Variants in JAZF1 observed in about 807,000 individuals in gnomAD.
The protein encoded by JAZF1 is juxtaposed with another zinc finger protein 1.
In JAZF1, 8 loss-of-function variants were observed where a neutral mutation model predicts 26.4. The observed-to-expected ratio is 0.30, with a 90% CI of 0.18 to 0.55. The LOEUF is 0.55. Among genes scored for constraint, JAZF1 ranks in the 20% least tolerant of loss-of-function variants. The pLI is 0.94. For synonymous variants in JAZF1, 126 were observed against 122.3 expected (o/e 1.03, Z -0.20); for missense variants, 199 against 322.0 (o/e 0.62, Z 2.92).
chr7:28,057,735 T>G (rs1375466820), intron 1 of JAZF1, among the ~76,000 whole-genome samples: 1 of 152,184 alleles, frequency 6.6e-6, no homozygotes, highest in Non-Finnish European at 1.5e-5. Flanking sequence ...ATTTAAAATG[T>G]ATTGGCCCCA....
At chr7:27,839,082 G>A (rs150603422) in intron 4 of JAZF1, among the ~76,000 whole-genome samples, 3 of 152,206 alleles carry the variant, frequency 2.0e-5, no homozygotes, top group Non-Finnish European at 2.9e-5. Context: ...GAAAGGATGC[G>A]AGTAAGAAAA....
chr7:28,073,425 T>C (rs1051553076), intron 1 of JAZF1, among the ~76,000 whole-genome samples: 2 of 152,200 alleles, frequency 1.3e-5, no homozygotes, highest in African/African-American at 4.8e-5. Flanking sequence ...ACCCAAGGAC[T>C]GAAAATCAAA....
intron 2 of JAZF1, among the ~76,000 whole-genome samples, chr7:27,912,584 A>G (rs946567190): frequency 1.3e-5 from 2 of 152,158 alleles, no homozygotes; most frequent in Admixed American, 6.5e-5. Context: ...AAGAGGGAAT[A>G]GTGAGAAAGG....
intron 3 of JAZF1, among the ~76,000 whole-genome samples, chr7:27,883,936 T>C (rs1783814476): frequency 6.6e-6 from 1 of 152,254 alleles, no homozygotes; most frequent in Non-Finnish European, 1.5e-5. Context: ...CTTTCTTCAA[T>C]GAACAGGAAA....
chr7:27,970,159 T>A (rs137962119), intron 2 of JAZF1, among the ~76,000 whole-genome samples: 158 of 152,350 alleles, frequency 1.0e-3, no homozygotes, highest in African/African-American at 3.6e-3. Context: ...ATTTTGGTTT[T>A]CATTACTGCT....
At chr7:27,997,663 G>T (rs1382090132) in intron 1 of JAZF1, among the ~76,000 whole-genome samples, 1 of 152,134 alleles carries the variant, frequency 6.6e-6, no homozygotes, top group Non-Finnish European at 1.5e-5. Flanking sequence ...CAAACTCTGG[G>T]CTCAAGATAT....
At chr7:28,015,434 T>C (rs966203296) in intron 1 of JAZF1, among the ~76,000 whole-genome samples, 2 of 152,182 alleles carry the variant, frequency 1.3e-5, no homozygotes, top group Non-Finnish European at 2.9e-5. Flanking sequence ...ACATTAATAA[T>C]AGGGAAAACT....
intron 2 of JAZF1, among the ~76,000 whole-genome samples, chr7:27,906,103 ATTG>A: frequency 2.6e-5 from 4 of 152,230 alleles, no homozygotes; most frequent in African/African-American, 9.6e-5. Context: ...TTTAGGTGGA[ATTG>A]CTTGAAATAT....
intron 2 of JAZF1, among the ~76,000 whole-genome samples, chr7:27,962,241 A>C (rs1447722987): frequency 1.3e-5 from 2 of 152,218 alleles, no homozygotes; most frequent in African/African-American, 4.8e-5. Context: ...AGAAGTATGA[A>C]ATCATTTTCC....
chr7:28,164,603 A>G (rs756892260), intron 1 of JAZF1, among the ~76,000 whole-genome samples: 3 of 152,266 alleles, frequency 2.0e-5, no homozygotes, highest in Non-Finnish European at 4.4e-5. Context: ...CATGGAATTC[A>G]TAAAATACTA....
chr7:28,103,882 T>C (rs1023353515), intron 1 of JAZF1, among the ~76,000 whole-genome samples: 2 of 152,152 alleles, frequency 1.3e-5, no homozygotes, highest in East Asian at 1.9e-4. Context: ...AAAGCACCCA[T>C]TCATCCATCC....
chr7:27,909,232 T>C (rs1360293052), intron 2 of JAZF1, among the ~76,000 whole-genome samples: 1 of 151,900 alleles, frequency 6.6e-6, no homozygotes, highest in Admixed American at 6.6e-5. Context: ...CTTTTTTTAA[T>C]TGAAGAAATG....
intron 1 of JAZF1, among the ~76,000 whole-genome samples, chr7:28,035,534 CAA>C (rs1783276971): frequency 6.6e-6 from 1 of 151,798 alleles, no homozygotes; most frequent in Non-Finnish European, 1.5e-5. Flanking sequence ...CTCTTAAAAG[CAA>C]ATAATCCACT....
intron 1 of JAZF1, among the ~76,000 whole-genome samples, chr7:28,134,550 C>T (rs1219293247): frequency 1.3e-5 from 2 of 150,304 alleles, no homozygotes; most frequent in Non-Finnish European, 3.0e-5. Flanking sequence ...TGGCTTCAAA[C>T]GATCCTCCCT....
At chr7:28,058,315 C>T (rs1038252062) in intron 1 of JAZF1, among the ~76,000 whole-genome samples, 1 of 152,136 alleles carries the variant, frequency 6.6e-6, no homozygotes, top group African/African-American at 2.4e-5. Context: ...AGCAAAGAAC[C>T]TGGGGTGGCC....
At chr7:28,135,898 T>A (rs1782876944) in intron 1 of JAZF1, among the ~76,000 whole-genome samples, 2 of 152,200 alleles carry the variant, frequency 1.3e-5, no homozygotes. Context: ...CTGGTCCTCT[T>A]CCTGTATTAG....
chr7:27,987,388 C>T (rs1244941216), intron 2 of JAZF1, among the ~76,000 whole-genome samples: 10 of 151,678 alleles, frequency 6.6e-5, no homozygotes, highest in South Asian at 2.1e-4. Context: ...CCGGCCGCCC[C>T]GTCTGAGAAG....
intron 1 of JAZF1, among the ~76,000 whole-genome samples, chr7:28,150,831 C>T (rs1049708218): frequency 5.9e-5 from 9 of 152,182 alleles, no homozygotes; most frequent in African/African-American, 2.2e-4. Context: ...GTCCAAAACT[C>T]CACCAGTCAT....
intron 2 of JAZF1, among the ~76,000 whole-genome samples, chr7:27,953,310 G>A (rs897520742): frequency 6.6e-6 from 1 of 152,184 alleles, no homozygotes; most frequent in Non-Finnish European, 1.5e-5. Context: ...ATAGCCAAGA[G>A]GTAAAAATAG....
Sources: gnomAD v4.1 joint callset for allele counts (sites outside exome capture counted in the v4.1 genomes callset) on GRCh38, gnomAD v4.1.1 for gene constraint, MANE v1.5 for transcripts, NCBI Gene and HGNC (gene_info 2026-07-23, HGNC 2026-07-21) for gene names.